The following SDC2 variants were observed in gnomAD, a reference collection of about 807,000 sequenced individuals.
The protein encoded by SDC2 is syndecan-2.
A neutral mutation model predicts 22.2 loss-of-function variants in SDC2; 13 were observed. That is an observed-to-expected ratio of 0.59 (90% confidence interval 0.38 to 0.93). The LOEUF (loss-of-function observed/expected upper bound fraction) is 0.93. Ranked by LOEUF, SDC2 falls within the 40% of genes least tolerant of loss-of-function variation. SDC2 has a pLI of 0.00. For missense variants in SDC2, 235 were observed against 246.8 expected (o/e 0.95, Z 0.32); for synonymous variants, 94 against 92.8 (o/e 1.01, Z -0.07).
At chr8:96,534,849 A>C (rs550177790) in intron 1 of SDC2, among the ~76,000 whole-genome samples, 19 of 152,062 alleles carry the variant, frequency 1.2e-4, no homozygotes, top group African/African-American at 4.3e-4. Flanking sequence ...TTTGTTGCTC[A>C]TATCTTTGCT....
At chr8:96,582,339 G>GAC (rs1814602164) in intron 1 of SDC2, among the ~76,000 whole-genome samples, 1 of 152,106 alleles carries the variant, frequency 6.6e-6, no homozygotes, top group East Asian at 1.9e-4. Flanking sequence ...TAATCTCTTT[G>GAC]ACACACAGTG....
At chr8:96,572,229 C>T (rs1814408541) in intron 1 of SDC2, among the ~76,000 whole-genome samples, 1 of 152,158 alleles carries the variant, frequency 6.6e-6, no homozygotes, top group South Asian at 2.1e-4. Flanking sequence ...TTTTTGACTC[C>T]AGAACCCCTG....
chr8:96,551,299 A>G (rs1366716053), intron 1 of SDC2, among the ~76,000 whole-genome samples: 1 of 152,176 alleles, frequency 6.6e-6, no homozygotes, highest in Non-Finnish European at 1.5e-5. Context: ...TGTAGTTACA[A>G]TTTTCCTAAT....
Position 96,494,247 on chromosome 8 carries a change from TG to T in SDC2, c.-22del. On this transcript the variant is annotated 5_prime_UTR_variant, in exon 1 of 5. Transcript: ENST00000302190. The stretch of plus-strand genomic sequence containing the variant: ...TTTTGCCCTGGTTGCAAGCAGCGGC[TG>T]GGAGCAGCCGGTCCCTGGGGAATAT... The T allele has an allele frequency of 6.5e-7, 1 of 1,541,882 alleles. No homozygotes were observed.
chr8:96,563,149 A>G (rs932903696), intron 1 of SDC2, among the ~76,000 whole-genome samples: 6 of 152,184 alleles, frequency 3.9e-5, no homozygotes, highest in Middle Eastern at 3.4e-3. Context: ...AAAGGTTCCA[A>G]TTTTGAAACC....
chr8:96,515,345 C>T (rs116092579), intron 1 of SDC2, among the ~76,000 whole-genome samples: 1,904 of 152,264 alleles, frequency 0.013, 44 homozygotes, highest in African/African-American at 0.042. Context: ...ATTTAGAATG[C>T]GGTAATCTTT....
chr8:96,577,294 C>G (rs1032573804), intron 1 of SDC2, among the ~76,000 whole-genome samples: 1 of 152,180 alleles, frequency 6.6e-6, no homozygotes, highest in African/African-American at 2.4e-5. Flanking sequence ...AAACAAGAAC[C>G]ATCTCTTGTG....
intron 1 of SDC2, among the ~76,000 whole-genome samples, chr8:96,501,868 C>A (rs1296866516): frequency 1.3e-5 from 2 of 152,046 alleles, no homozygotes; most frequent in Non-Finnish European, 2.9e-5. Context: ...AATTATTAAT[C>A]CCCTGTCAAA....
chr8:96,534,986 T>G (rs969728884), intron 1 of SDC2, among the ~76,000 whole-genome samples: 2 of 151,918 alleles, frequency 1.3e-5, no homozygotes, highest in Non-Finnish European at 2.9e-5. Context: ...TAAGATGGAA[T>G]TTCAGATAAA....
At chr8:96,575,101 G>C (rs888639530) in intron 1 of SDC2, among the ~76,000 whole-genome samples, 5 of 152,166 alleles carry the variant, frequency 3.3e-5, no homozygotes, top group East Asian at 3.9e-4. Context: ...GTGCAGCCTG[G>C]TTCCTAACAG....
At position 96,609,665 on chromosome 8, in the gene SDC2, T is replaced by C. The variant is rs1815143672; in HGVS notation, c.*117T>C. ...TCATTAAAGAGCCATTCTGGCACTT[T>C]AATGATAAAATCCCATTGTATTTAA... On this transcript the variant is annotated 3_prime_UTR_variant, in exon 5 of 5. Transcript: ENST00000302190. 1 of 628,560 alleles carries C rather than the reference T, an allele frequency of 1.6e-6. No individual in the cohort carries two copies. The highest frequency in any genetic ancestry group is 2.5e-6 in the Non-Finnish European group (1 of 402,904). The allele number at this position is 628,560 out of a possible 1,614,324, so 38.9% of individuals were successfully genotyped here.
chr8:96,598,027 T>G (rs1400204306), intron 2 of SDC2, among the ~76,000 whole-genome samples: 1 of 152,226 alleles, frequency 6.6e-6, no homozygotes, highest in Non-Finnish European at 1.5e-5. Flanking sequence ...TTGGTCTCAG[T>G]TCTGGAGGCT....
chr8:96,505,077 CT>C (rs1287209392), intron 1 of SDC2, among the ~76,000 whole-genome samples: 3 of 152,128 alleles, frequency 2.0e-5, no homozygotes, highest in Non-Finnish European at 4.4e-5. Context: ...ATTTTCACTT[CT>C]TTTGTGGTGG....
chr8:96,594,242 T>C (rs1814834146), intron 2 of SDC2, among the ~76,000 whole-genome samples: 1 of 152,122 alleles, frequency 6.6e-6, no homozygotes, highest in Non-Finnish European at 1.5e-5. Flanking sequence ...TATTATTCTG[T>C]AGGTTGGTGA....
Position 96,599,492 on chromosome 8 carries a change from C to A in SDC2, c.173-2903C>A, listed in dbSNP as rs553879742. Reference sequence around the variant, plus strand: ...AAAATGTTGATAGATAATTAGGTCACCTGATAAAACAGCATTATATTTCTG... The same window carrying A: ...AAAATGTTGATAGATAATTAGGTCAACTGATAAAACAGCATTATATTTCTG... On this transcript the variant is annotated intron_variant, in intron 2 of 4. Coordinates refer to ENST00000302190, the MANE Select transcript of SDC2 (RefSeq NM_002998.4). Among the ~76,000 whole-genome samples, 6 of 152,048 alleles carry A rather than the reference C, an allele frequency of 3.9e-5. No individual in the cohort carries two copies. In the South Asian group the frequency reaches 1.2e-3, roughly 32 times the overall value.
At chr8:96,547,616 T>C (rs1813955410) in intron 1 of SDC2, among the ~76,000 whole-genome samples, 1 of 152,234 alleles carries the variant, frequency 6.6e-6, no homozygotes, top group Non-Finnish European at 1.5e-5. Flanking sequence ...CTGGGGAGTA[T>C]ATGTTTTTGC....
At chr8:96,538,073 C>A (rs1186382784) in intron 1 of SDC2, among the ~76,000 whole-genome samples, 1 of 152,228 alleles carries the variant, frequency 6.6e-6, no homozygotes, top group Non-Finnish European at 1.5e-5. Context: ...AGCTATTCTC[C>A]TGCCTCAGCC....
chr8:96,542,038 G>A (rs1813858599), intron 1 of SDC2, among the ~76,000 whole-genome samples: 1 of 152,058 alleles, frequency 6.6e-6, no homozygotes, highest in South Asian at 2.1e-4. Context: ...AGGATGCTCT[G>A]GTCCTCAGTG....
At chr8:96,591,363 C>A (rs999551050) in intron 1 of SDC2, among the ~76,000 whole-genome samples, 1 of 152,164 alleles carries the variant, frequency 6.6e-6, no homozygotes, top group East Asian at 1.9e-4. Context: ...GTCTCCTAGG[C>A]TTAAAATGGA....
Sources: allele counts gnomAD v4.1 joint callset (sites outside exome capture counted in the v4.1 genomes callset), GRCh38; gene constraint gnomAD v4.1.1; transcripts MANE v1.5; gene names NCBI Gene and HGNC (gene_info 2026-07-23, HGNC 2026-07-21).